The following BAZ2B variants were observed in gnomAD, a reference collection of about 807,000 sequenced individuals.
BAZ2B encodes bromodomain adjacent to zinc finger domain protein 2B.
In BAZ2B, 91 loss-of-function variants were observed where a neutral mutation model predicts 246.0. The ratio of observed to expected loss-of-function variants is 0.37; its 90% CI spans 0.31 to 0.44. The LOEUF is 0.44. Ranked by LOEUF, BAZ2B falls within the 20% of genes least tolerant of loss-of-function variation. The pLI is 1.00. For synonymous variants in BAZ2B, 855 were observed against 860.0 expected (o/e 0.99, Z 0.10); for missense variants, 2,332 against 2,533.7 (o/e 0.92, Z 1.71).
At chr2:159,549,433 C>T (rs1025284514) in intron 2 of BAZ2B, among the ~76,000 whole-genome samples, 12 of 152,130 alleles carry the variant, frequency 7.9e-5, no homozygotes, top group African/African-American at 2.2e-4. Flanking sequence ...CCTCTGCAAA[C>T]GTTTCTTGAT....
the BAZ2B span, among the ~76,000 whole-genome samples, chr2:159,699,303 G>A: frequency 6.6e-6 from 1 of 152,182 alleles, no homozygotes; most frequent in Admixed American, 6.5e-5. Context: ...AACACTTAGG[G>A]AGGCCAAGAT....
the BAZ2B span, chr2:159,695,253 C>T: frequency 6.6e-6 from 1 of 151,980 alleles, no homozygotes; most frequent in African/African-American, 2.4e-5. Flanking sequence ...ATTCTGGATA[C>T]AGGTGCCTTG....
intron 1 of BAZ2B, among the ~76,000 whole-genome samples, chr2:159,588,876 A>G (rs1688656658): frequency 2.6e-5 from 4 of 152,230 alleles, no homozygotes; most frequent in Non-Finnish European, 5.9e-5. Flanking sequence ...TATTTCCTCA[A>G]ATACTGGGAA....
At chr2:159,525,460 T>C (rs1289298045) in intron 2 of BAZ2B, among the ~76,000 whole-genome samples, 1 of 152,208 alleles carries the variant, frequency 6.6e-6, no homozygotes, top group African/African-American at 2.4e-5. Flanking sequence ...AAAAATTCCA[T>C]ACCTGACCTT....
At chr2:159,650,648 C>G in the BAZ2B span, among the ~76,000 whole-genome samples, 2 of 152,168 alleles carry the variant, frequency 1.3e-5, no homozygotes, top group Non-Finnish European at 1.5e-5. Flanking sequence ...TGACAAGGAT[C>G]TTCTGCAGAT....
chr2:159,689,237 G>C, the BAZ2B span: 1 of 478,326 alleles, frequency 2.1e-6, no homozygotes. Flanking sequence ...TTGGACTGGT[G>C]GTTCATATCC....
intron 20 of BAZ2B, among the ~76,000 whole-genome samples, chr2:159,391,487 T>C (rs2063324759): frequency 6.6e-6 from 1 of 152,170 alleles, no homozygotes; most frequent in Admixed American, 6.6e-5. Flanking sequence ...ATAAACATCA[T>C]AATTGAGACT....
chr2:159,656,992 T>G, the BAZ2B span, among the ~76,000 whole-genome samples: 2 of 152,154 alleles, frequency 1.3e-5, no homozygotes, highest in African/African-American at 4.8e-5. Flanking sequence ...ATTTTAATCT[T>G]GTACAACTTA....
intron 13 of BAZ2B, among the ~76,000 whole-genome samples, chr2:159,413,418 G>A (rs189164499): frequency 4.6e-5 from 7 of 152,176 alleles, no homozygotes; most frequent in Admixed American, 2.0e-4. Flanking sequence ...CTGGCTGGGC[G>A]CGGACTGGCC....
In BAZ2B at chr2:159,430,681, G is replaced by GA. The variant is rs1027849552; in HGVS notation, c.2194+181dup. 3.2e-4 allele frequency among the ~76,000 whole-genome samples: 49 copies of GA among 151,606 alleles called. 1 individual carries two copies. The highest frequency in any genetic ancestry group is 1.2e-3 in the African/African-American group (49 of 41,400). Reference sequence around the variant, plus strand: ...GATCCTTAAACTGGAAACTCGGGGGGAAAAAAAAGACCAGGTAATGAGTCA... The same window carrying GA: ...GATCCTTAAACTGGAAACTCGGGGGGAAAAAAAAAGACCAGGTAATGAGTCA... On this transcript the variant is annotated intron_variant, in intron 10 of 36. Coordinates refer to ENST00000392783, the MANE Select transcript of BAZ2B (RefSeq NM_013450.4).
Position 159,373,194 on chromosome 2 carries a change from TA to T in BAZ2B, c.4069-6del. 5 of 1,600,054 alleles carry T rather than the reference TA, an allele frequency of 3.1e-6. No homozygotes were observed. The highest frequency in any genetic ancestry group is 1.8e-5 in the Admixed American group (1 of 56,930). On this transcript the variant is annotated splice_polypyrimidine_tract_variant and splice_region_variant and intron_variant, in intron 26 of 36. Transcript: ENST00000392783. ...CCTTCTGTACTGACTCTGTTGCTGTTAAAAAAATGGTACATATAATTAGGTT... is the reference window on the plus strand; with the variant it reads ...CCTTCTGTACTGACTCTGTTGCTGTTAAAAAATGGTACATATAATTAGGTT...
the BAZ2B span, among the ~76,000 whole-genome samples, chr2:159,698,976 C>T: frequency 3.3e-5 from 5 of 152,146 alleles, no homozygotes; most frequent in Non-Finnish European, 4.4e-5. Context: ...ATTTAAAACA[C>T]AAAAAACCAA....
At chr2:159,469,467 G>A (rs149914480) in intron 3 of BAZ2B, among the ~76,000 whole-genome samples, 2,965 of 151,804 alleles carry the variant, frequency 0.02, 58 homozygotes, top group Non-Finnish European at 0.025. Context: ...ACCGAGTCTC[G>A]CTCTGTCACC....
intron 34 of BAZ2B, among the ~76,000 whole-genome samples, chr2:159,329,052 C>T (rs1481636781): frequency 2.7e-5 from 4 of 150,782 alleles, no homozygotes; most frequent in Admixed American, 6.6e-5. Flanking sequence ...CGCTTGAACA[C>T]GGGAGGTGGA....
intron 6 of BAZ2B, 100 bp from the exon 7 acceptor site, chr2:159,439,312 TC>T: frequency 1.9e-6 from 2 of 1,035,964 alleles, no homozygotes; most frequent in Non-Finnish European, 2.8e-6. Context: ...ATATTTTCAA[TC>T]TCAAAATGTC....
intron 1 of BAZ2B, among the ~76,000 whole-genome samples, chr2:159,598,289 G>A (rs1691251860): frequency 6.6e-6 from 1 of 152,120 alleles, no homozygotes; most frequent in Non-Finnish European, 1.5e-5. Context: ...ACTACGCCTG[G>A]CTGACTTATT....
intron 2 of BAZ2B, among the ~76,000 whole-genome samples, chr2:159,485,153 G>C (rs916844587): frequency 6.6e-6 from 1 of 152,070 alleles, no homozygotes; most frequent in Non-Finnish European, 1.5e-5. Flanking sequence ...TTCTGAGAAA[G>C]GTTTACATAT....
chr2:159,613,993 C>CT (rs966037712), intron 1 of BAZ2B, among the ~76,000 whole-genome samples: 23 of 152,112 alleles, frequency 1.5e-4, no homozygotes, highest in African/African-American at 5.6e-4. Context: ...TTTCTATTAG[C>CT]TTTTTTTAAG....
chr2:159,637,480 G>A, the BAZ2B span, among the ~76,000 whole-genome samples: 1 of 152,250 alleles, frequency 6.6e-6, no homozygotes, highest in Admixed American at 6.5e-5. Flanking sequence ...GAAAGGAGAG[G>A]AAACACTGGG....
Sources: gnomAD v4.1 joint callset for allele counts (sites outside exome capture counted in the v4.1 genomes callset) on GRCh38, gnomAD v4.1.1 for gene constraint, MANE v1.5 for transcripts, NCBI Gene and HGNC (gene_info 2026-07-23, HGNC 2026-07-21) for gene names.